The following DMTN variants were observed in gnomAD, a reference collection of about 807,000 sequenced individuals.
The protein encoded by DMTN is dematin.
Under a neutral mutation model 59.4 loss-of-function variants are expected in DMTN, and 27 were observed. The ratio of observed to expected loss-of-function variants is 0.45; its 90% confidence interval spans 0.33 to 0.63. The LOEUF (loss-of-function observed/expected upper bound fraction) is 0.63. DMTN is among the 20% of genes least tolerant of loss of function. The pLI is 0.02. For missense variants in DMTN, 451 were observed against 528.9 expected, an observed-to-expected ratio of 0.85 and a Z score of 1.45; for synonymous variants, 221 against 203.7, an observed-to-expected ratio of 1.08 and a Z score of -0.72.
chr8:22,069,781 T>G, intron 6 of DMTN, 100 bp from the exon 7 acceptor site: 507 of 1,387,502 alleles, frequency 3.7e-4, no homozygotes, highest in Middle Eastern at 8.9e-4. Flanking sequence ...CAGGGGCCAG[T>G]GAGTTCCCCA....
intron 4 of DMTN, among the ~76,000 whole-genome samples, chr8:22,068,224 C>T (rs969019337): frequency 6.6e-6 from 1 of 152,236 alleles, no homozygotes; most frequent in African/African-American, 2.4e-5. Flanking sequence ...TTGGATGCTT[C>T]TTGGTCTTGT....
At chr8:22,074,369 G>A (rs1818155114) in intron 10 of DMTN, among the ~76,000 whole-genome samples, 1 of 152,154 alleles carries the variant, frequency 6.6e-6, no homozygotes. Context: ...CACCTCTCAG[G>A]CTCAAGCAAT....
intron 1 of DMTN, 109 bp from the exon 2 acceptor site, chr8:22,066,596 G>T: frequency 3.1e-6 from 1 of 322,116 alleles, no homozygotes; most frequent in Non-Finnish European, 5.7e-6. Flanking sequence ...GGGCTGAGCG[G>T]ATGGGAAGCC....
chr8:22,070,178 G>T lies in DMTN; in HGVS notation c.452-4G>T. 1 of 1,578,366 alleles carries T rather than the reference G, an allele frequency of 6.3e-7. No individual in the cohort carries two copies. Among genetic ancestry groups the T allele is most frequent in the African/African-American group, 1.3e-5 (1 of 74,226 alleles). On this transcript the variant is annotated splice_region_variant and splice_polypyrimidine_tract_variant and intron_variant, in intron 7 of 15. Coordinates refer to ENST00000358242, the MANE Select transcript of DMTN (RefSeq NM_001387751.1). ...ACCTGGCTGACCCTGGCCTTTGTCTGCAGAGTCCGTGGGAGGCAGCCCTCA... is the reference window on the plus strand; with the variant it reads ...ACCTGGCTGACCCTGGCCTTTGTCTTCAGAGTCCGTGGGAGGCAGCCCTCA...
chr8:22,080,181 C>T lies in DMTN; in HGVS notation c.837C>T (p.Ser279=), dbSNP rs1187041374. The T allele has an allele frequency of 1.2e-6, 2 of 1,614,186 alleles. No individual in the cohort carries two copies. Among genetic ancestry groups the T allele is most frequent in the Non-Finnish European group, 8.5e-7 (1 of 1,180,032 alleles). Residue 279 remains serine, a splice_region_variant and synonymous_variant, in exon 11 of 16, where the codon TCC becomes TCT. Coordinates refer to ENST00000358242, the MANE Select transcript of DMTN (RefSeq NM_001387751.1). ...SLPDRTPFHT[S]LHQGTSKSSS... is the part of the protein sequence containing the mutation. ...TCAGGACCTTTTGCTGTCTTCCAGC[C>T]TTGCACCAGGGAACGTCTAAATCTT...
intron 10 of DMTN, among the ~76,000 whole-genome samples, chr8:22,074,269 GTTGT>G (rs112430649): frequency 4.0e-5 from 6 of 151,056 alleles, no homozygotes; most frequent in African/African-American, 9.7e-5. Flanking sequence ...GTGGTTGTTT[GTTGT>G]TTGTTTGTTT....
chr8:22,068,980 C>A, intron 4 of DMTN, 36 bp from the exon 5 acceptor site: 1 of 1,609,518 alleles, frequency 6.2e-7, no homozygotes, highest in African/African-American at 1.3e-5. Flanking sequence ...CTGAATCTGC[C>A]CCTGTAGCTC....
At chr8:22,065,446 C>G (rs1470728454) in intron 1 of DMTN, among the ~76,000 whole-genome samples, 1 of 152,196 alleles carries the variant, frequency 6.6e-6, no homozygotes, top group Non-Finnish European at 1.5e-5. Context: ...GAGGACTAGA[C>G]TAGTACAGGA....
intron 15 of DMTN, 78 bp from the exon 16 acceptor site, chr8:22,081,272 T>A: frequency 6.3e-7 from 1 of 1,599,378 alleles, no homozygotes; most frequent in Non-Finnish European, 8.6e-7. Flanking sequence ...CTGGGGCCTC[T>A]ATGAGTGAGT....
intron 10 of DMTN, among the ~76,000 whole-genome samples, chr8:22,075,117 G>T (rs950104746): frequency 3.3e-5 from 5 of 151,430 alleles, no homozygotes; most frequent in Admixed American, 2.6e-4. Flanking sequence ...AACCCAGGAG[G>T]TGGAGGTTGC....
At chr8:22,069,828 C>A (rs1465617009) in intron 6 of DMTN, 53 bp from the exon 7 acceptor site, 1 of 1,596,106 alleles carries the variant, frequency 6.3e-7, no homozygotes, top group Non-Finnish European at 8.6e-7. Flanking sequence ...CTCCTGGCCC[C>A]AGCCTCCCTG....
rs879462520 is a variant in DMTN, at chr8:22,060,244, C to T, written c.-172+3108C>T. Among the ~76,000 whole-genome samples, 6 of 152,004 alleles carry T rather than the reference C, an allele frequency of 3.9e-5. No homozygotes were observed. Among genetic ancestry groups the T allele is most frequent in the Non-Finnish European group, 7.4e-5 (5 of 68,000 alleles). On this transcript the variant is annotated intron_variant, in intron 1 of 15. Coordinates refer to ENST00000358242, the MANE Select transcript of DMTN (RefSeq NM_001387751.1). The surrounding 1 kb of genome is among the most constrained non-coding windows in gnomAD (Gnocchi z 5.0). The stretch of plus-strand genomic sequence containing the variant: ...CCTTGGGGATGCAGGCACAGACAGG[C>T]GGGGTGCATGGATGGGAGAGGGGTC...
At chr8:22,049,653 G>A (rs1243644850), upstream of DMTN, among the ~76,000 whole-genome samples, 1 of 145,816 alleles carries the variant, frequency 6.9e-6, no homozygotes. Flanking sequence ...TGGGGCCCCA[G>A]CCTCAGTTTC....
At chr8:22,076,107 G>A (rs150495792) in intron 10 of DMTN, among the ~76,000 whole-genome samples, 25 of 152,134 alleles carry the variant, frequency 1.6e-4, no homozygotes, top group African/African-American at 5.8e-4. Context: ...TTGGAACTGA[G>A]ATAATAAGAG....
chr8:22,079,318 C>T lies in DMTN; in HGVS notation c.836-862C>T, dbSNP rs573309879. On this transcript the variant is annotated intron_variant, in intron 10 of 15. Coordinates refer to ENST00000358242, the MANE Select transcript of DMTN (RefSeq NM_001387751.1). The stretch of plus-strand genomic sequence containing the variant: ...TATATATATTAGCTGGGTTTGATGG[C>T]GCATGCCCCTAGTCCCAGCTACTGA... Among the ~76,000 whole-genome samples, 158 of 64,924 alleles carry T rather than the reference C, an allele frequency of 2.4e-3. No homozygotes were observed. In the Middle Eastern group the frequency reaches 0.032, roughly 13 times the overall value. 42.6% of individuals were successfully genotyped at this position (64,924 alleles called of 152,430 possible).
In DMTN at chr8:22,080,816, C is replaced by T. The variant is rs1394474344; in HGVS notation, c.969C>T (p.Gly323=). ...TTTGGTCTCCCCAGAACGGAGAGGG[C>T]CAGAGGGGGAGGATGGACCGGGGGA... ...TGSPGLQNGE[G]QRGRMDRGNS... The change falls in exon 14 of 16, where the codon GGC becomes GGT. Residue 323 remains glycine, a synonymous_variant. Coordinates refer to ENST00000358242, the MANE Select transcript of DMTN (RefSeq NM_001387751.1). The T allele has an allele frequency of 1.2e-6, 2 of 1,603,028 alleles. No individual in the cohort carries two copies. Among genetic ancestry groups the T allele is most frequent in the South Asian group, 1.1e-5 (1 of 90,040 alleles).
Position 22,070,276 on chromosome 8 carries a change from C to A in DMTN, c.546C>A (p.Asn182Lys), listed in dbSNP as rs771363592. ...CTGCAGCCCAGCCCCCAGACCCCAA[C>A]CAGCCAGCCAAAATCGAAACCGACT... Reference protein sequence around the residue: ...KFPAAQPPDPNQPAKIETDYW... With the variant: ...KFPAAQPPDPKQPAKIETDYW... Residue 182 changes from asparagine (N) to lysine (K), a missense_variant, in exon 8 of 16, where the codon AAC becomes AAA. Coordinates refer to ENST00000358242, the MANE Select transcript of DMTN (RefSeq NM_001387751.1). The A allele has an allele frequency of 1.2e-6, 2 of 1,613,598 alleles. No individual in the cohort carries two copies. Among genetic ancestry groups the A allele is most frequent in the African/African-American group, 1.3e-5 (1 of 74,900 alleles).
chr8:22,075,241 A>T (rs1218271171), intron 10 of DMTN, among the ~76,000 whole-genome samples: 1 of 150,522 alleles, frequency 6.6e-6, no homozygotes, highest in Non-Finnish European at 1.5e-5. Flanking sequence ...TCACTTCTTC[A>T]TTGTAGCTGC....
In DMTN at chr8:22,081,721, T is replaced by C; in HGVS notation, c.*258T>C. On this transcript the variant is annotated 3_prime_UTR_variant, in exon 16 of 16. Transcript: ENST00000358242. ...CAGTCTGGGCTCTGGCACACAGAGT[T>C]CATGTTTGCGCCCTCTCCCTGCCCC... 1 of 573,478 alleles carries C rather than the reference T, an allele frequency of 1.7e-6. No homozygotes were observed. Among genetic ancestry groups the C allele is most frequent in the South Asian group, 1.8e-5 (1 of 56,042 alleles). 35.5% of individuals were successfully genotyped at this position (573,478 alleles called of 1,614,324 possible). A position where few individuals can be genotyped will look rare whatever the true frequency, so the allele number is the denominator to read the frequency against.
Sources: gnomAD v4.1 joint callset for allele counts (sites outside exome capture counted in the v4.1 genomes callset) on GRCh38, gnomAD v4.1.1 for gene constraint, Gnocchi (gnomAD v3.1) non-coding constraint, MANE v1.5 for transcripts, NCBI Gene and HGNC (gene_info 2026-07-23, HGNC 2026-07-21) for gene names.